RXFP1: variants seen among roughly 807,000 people sequenced by gnomAD.
RXFP1 encodes relaxin receptor 1.
A neutral mutation model predicts 89.8 loss-of-function variants in RXFP1; 73 were observed. That is an observed-to-expected ratio of 0.81 (90% CI 0.67 to 0.99). The LOEUF (loss-of-function observed/expected upper bound fraction) is 0.99, where lower values mean the gene tolerates loss of function less well. Ranked by LOEUF, RXFP1 falls within the 50% of genes least tolerant of loss-of-function variation. RXFP1 has a pLI of 0.00. For missense variants in RXFP1, 793 were observed against 895.5 expected (o/e 0.89, Z 1.46); for synonymous variants, 277 against 305.5 (o/e 0.91, Z 0.97).
chr4:158,580,227 C>T (rs1561057668), intron 2 of RXFP1, among the ~76,000 whole-genome samples: 1 of 152,082 alleles, frequency 6.6e-6, no homozygotes, highest in Non-Finnish European at 1.5e-5. Context: ...AGGAGGAGGA[C>T]TATTGCCTCC....
At chr4:158,639,720 A>C (rs1769987958) in intron 14 of RXFP1, among the ~76,000 whole-genome samples, 1 of 152,124 alleles carries the variant, frequency 6.6e-6, no homozygotes, top group Non-Finnish European at 1.5e-5. Flanking sequence ...AAATACAAAA[A>C]TTAGCCAGTC....
chr4:158,645,174 T>C, intron 15 of RXFP1, 36 bp downstream of exon 15: 3 of 1,479,332 alleles, frequency 2.0e-6, no homozygotes, highest in Non-Finnish European at 2.8e-6. Context: ...ATTGTAGTTT[T>C]GAAATATACA....
At chr4:158,643,859 A>G (rs1770916726) in intron 14 of RXFP1, among the ~76,000 whole-genome samples, 1 of 152,050 alleles carries the variant, frequency 6.6e-6, no homozygotes, top group Admixed American at 6.5e-5. Flanking sequence ...CATTCCCGCC[A>G]ATAACAGTTC....
At chr4:158,549,241 A>G (rs987413046) in intron 1 of RXFP1, among the ~76,000 whole-genome samples, 4 of 152,116 alleles carry the variant, frequency 2.6e-5, no homozygotes, top group African/African-American at 9.6e-5. Context: ...AGTTGATCGC[A>G]TCGGCTCCTG....
intron 9 of RXFP1, among the ~76,000 whole-genome samples, chr4:158,617,720 A>G (rs1210225309): frequency 6.6e-6 from 1 of 152,166 alleles, no homozygotes; most frequent in East Asian, 1.9e-4. Context: ...ACCATCCAGT[A>G]AATTTGCCTA....
chr4:158,540,253 C>A (rs1746284998), intron 1 of RXFP1, among the ~76,000 whole-genome samples: 1 of 152,080 alleles, frequency 6.6e-6, no homozygotes, highest in Admixed American at 6.6e-5. Context: ...ATACTTATTT[C>A]TTGATTCTAT....
intron 9 of RXFP1, among the ~76,000 whole-genome samples, chr4:158,618,800 A>C (rs1165172742): frequency 1.3e-5 from 2 of 152,170 alleles, no homozygotes; most frequent in Non-Finnish European, 2.9e-5. Context: ...AACCTATATT[A>C]GTTCTTGCAA....
intron 1 of RXFP1, among the ~76,000 whole-genome samples, chr4:158,531,123 GC>G (rs1309653056): frequency 6.6e-6 from 1 of 152,076 alleles, no homozygotes; most frequent in African/African-American, 2.4e-5. Flanking sequence ...TGCAAACTCT[GC>G]CCCCTGGCTC....
intron 1 of RXFP1, among the ~76,000 whole-genome samples, chr4:158,569,911 G>A (rs1422599636): frequency 6.6e-6 from 1 of 151,376 alleles, no homozygotes; most frequent in African/African-American, 2.4e-5. Context: ...AGTGTGTCTG[G>A]TGCAAAGAGG....
chr4:158,652,306 T>G lies in RXFP1; in HGVS notation c.*251T>G. The stretch of plus-strand genomic sequence containing the variant: ...AATCTACTTCAGTAACATTCATTCA[T>G]TTTTCTAACATGCATTTATTGAGTA... On this transcript the variant is annotated 3_prime_UTR_variant, in exon 18 of 18. Coordinates refer to ENST00000307765, the MANE Select transcript of RXFP1 (RefSeq NM_021634.4). 2.6e-6 allele frequency: 1 copy of G among 388,428 alleles called. No individual in the cohort carries two copies. Among genetic ancestry groups the G allele is most frequent in the East Asian group, 4.7e-5 (1 of 21,136 alleles). 24.1% of individuals were successfully genotyped at this position (388,428 alleles called of 1,614,324 possible).
At chr4:158,522,060 A>C in intron 1 of RXFP1, 35 bp downstream of exon 1, 1 of 1,310,698 alleles carries the variant, frequency 7.6e-7, no homozygotes, top group Non-Finnish European at 1.1e-6. Flanking sequence ...TGTATACCTT[A>C]GTATTTTGTG....
chr4:158,622,693 G>A (rs1030803555), intron 9 of RXFP1, among the ~76,000 whole-genome samples: 4 of 152,260 alleles, frequency 2.6e-5, no homozygotes, highest in Non-Finnish European at 5.9e-5. Flanking sequence ...GAGTAGAATC[G>A]TGGCTATGGG....
chr4:158,534,917 A>AAG (rs1744942819), intron 1 of RXFP1, among the ~76,000 whole-genome samples: 1 of 147,990 alleles, frequency 6.8e-6, no homozygotes, highest in Non-Finnish European at 1.5e-5. Flanking sequence ...ATATAATAAA[A>AAG]TAATTTATAT....
chr4:158,624,850 G>A lies in RXFP1; in HGVS notation c.756-1970G>A, dbSNP rs573334563. ...ATGTTTTTATTATTAACACAGGAGGGGGGAAAAACAGTAAATAAACAACCC... is the reference window on the plus strand; with the variant it reads ...ATGTTTTTATTATTAACACAGGAGGAGGGAAAAACAGTAAATAAACAACCC... On this transcript the variant is annotated intron_variant, in intron 9 of 17. Coordinates refer to ENST00000307765, the MANE Select transcript of RXFP1 (RefSeq NM_021634.4). Among the ~76,000 whole-genome samples, 8 of 152,070 alleles carry A rather than the reference G, an allele frequency of 5.3e-5. No homozygotes were observed. The South Asian group carries it at 1.7e-3, about 32-fold the overall frequency.
Position 158,648,602 on chromosome 4 carries a change from T to TA in RXFP1, c.1866dup (p.Glu623ArgfsTer15), listed in dbSNP as rs765681089. On this transcript the variant is annotated frameshift_variant, in exon 17 of 18. Transcript: ENST00000307765. LOFTEE classifies it high-confidence loss of function. The stretch of plus-strand genomic sequence containing the variant: ...CAGCAACTGAAATACGGAATCAAGT[T>TA]AAAAAAGAGATGATCCTTGCCAAAC... 5 of 1,613,122 alleles carry TA rather than the reference T, an allele frequency of 3.1e-6. No homozygotes were observed. Among genetic ancestry groups the TA allele is most frequent in the Non-Finnish European group, 4.2e-6 (5 of 1,179,260 alleles).
At chr4:158,649,894 A>G (rs1336754288) in intron 17 of RXFP1, among the ~76,000 whole-genome samples, 2 of 152,222 alleles carry the variant, frequency 1.3e-5, no homozygotes, top group Non-Finnish European at 2.9e-5. Context: ...TAAGGAAAAA[A>G]CCAAAACAAT....
chr4:158,525,926 A>G (rs570382928), intron 1 of RXFP1, among the ~76,000 whole-genome samples: 1 of 152,370 alleles, frequency 6.6e-6, no homozygotes, highest in South Asian at 2.1e-4. Flanking sequence ...TTCTTAAATT[A>G]TAATATAGAA....
chr4:158,543,819 G>A (rs763826711), intron 1 of RXFP1: 14 of 984,708 alleles, frequency 1.4e-5, no homozygotes, highest in East Asian at 1.1e-4. Context: ...CTCTTCCTTC[G>A]ACACAGAAGA....
chr4:158,545,940 T>C (rs1285354738), intron 1 of RXFP1, among the ~76,000 whole-genome samples: 1 of 152,102 alleles, frequency 6.6e-6, no homozygotes, highest in Non-Finnish European at 1.5e-5. Context: ...TGGGCTCTTT[T>C]TTCGTTCCAT....
Sources: gnomAD v4.1 joint callset for allele counts (sites outside exome capture counted in the v4.1 genomes callset) on GRCh38, gnomAD v4.1.1 for gene constraint, MANE v1.5 for transcripts, NCBI Gene and HGNC (gene_info 2026-07-23, HGNC 2026-07-21) for gene names.